GABRA4: variants seen among roughly 807,000 people sequenced by gnomAD.
The protein encoded by GABRA4 is gamma-aminobutyric acid type A receptor subunit alpha4.
Under a neutral mutation model 49.7 loss-of-function variants are expected in GABRA4, and 12 were observed. That is an observed-to-expected ratio of 0.24 (90% CI 0.15 to 0.39). The LOEUF (loss-of-function observed/expected upper bound fraction) is 0.39. GABRA4 is among the 10% of genes least tolerant of loss of function. The pLI is 1.00. For missense variants in GABRA4, 506 were observed against 686.0 expected, an observed-to-expected ratio of 0.74 and a Z score of 2.93; for synonymous variants, 288 against 240.2, an observed-to-expected ratio of 1.20 and a Z score of -1.84.
intron 8 of GABRA4, among the ~76,000 whole-genome samples, chr4:46,949,396 G>A (rs1046718863): frequency 1.3e-5 from 2 of 151,664 alleles, no homozygotes; most frequent in African/African-American, 2.4e-5. Context: ...TCCCTTGTTA[G>A]GGTGATTACC....
At chr4:46,965,290 G>A (rs946164489) in intron 7 of GABRA4, 61 bp from the exon 8 acceptor site, 53 of 1,315,382 alleles carry the variant, frequency 4.0e-5, no homozygotes, top group Admixed American at 1.4e-4. Context: ...AAAAAGCACC[G>A]CCACCACCAA....
At chr4:46,988,461 T>C (rs1268386136) in intron 2 of GABRA4, among the ~76,000 whole-genome samples, 2 of 152,214 alleles carry the variant, frequency 1.3e-5, no homozygotes, top group African/African-American at 4.8e-5. Flanking sequence ...AGAAGTGCTC[T>C]TTTTGTCTAT....
At chr4:46,951,760 ATG>A (rs1560469452) in intron 8 of GABRA4, among the ~76,000 whole-genome samples, 3 of 149,174 alleles carry the variant, frequency 2.0e-5, no homozygotes, top group African/African-American at 7.4e-5. Flanking sequence ...GTGTATATGT[ATG>A]TGTATATATA....
At chr4:46,976,960 C>T in intron 5 of GABRA4, 101 bp downstream of exon 5, 1 of 675,682 alleles carries the variant, frequency 1.5e-6, no homozygotes, top group South Asian at 1.9e-5. Flanking sequence ...TTGTTATGGA[C>T]CATGACTTAA....
intron 2 of GABRA4, among the ~76,000 whole-genome samples, chr4:46,983,122 T>C (rs554945939): frequency 4.6e-5 from 7 of 152,092 alleles, no homozygotes; most frequent in Non-Finnish European, 1.0e-4. Flanking sequence ...AAATAATGTA[T>C]GACAGAGCCA....
chr4:46,969,356 T>A lies in GABRA4; in HGVS notation c.874+1727A>T, dbSNP rs1039396083. Reference sequence around the variant, plus strand: ...TAATGAGGGTAGCTCCAGAAATATTTGTATTTTTTTGTACAAGAAAAAAGT... The same window carrying A: ...TAATGAGGGTAGCTCCAGAAATATTAGTATTTTTTTGTACAAGAAAAAAGT... On this transcript the variant is annotated intron_variant, in intron 7 of 8. Coordinates refer to ENST00000264318, the MANE Select transcript of GABRA4 (RefSeq NM_000809.4). Among the ~76,000 whole-genome samples the A allele has an allele frequency of 5.3e-5, 8 of 151,696 alleles. 2 individuals carry two copies. Among genetic ancestry groups the A allele is most frequent in the Admixed American group, 1.3e-4 (2 of 15,184 alleles).
intron 8 of GABRA4, among the ~76,000 whole-genome samples, chr4:46,953,172 A>G (rs543816974): frequency 1.3e-5 from 2 of 152,154 alleles, no homozygotes; most frequent in Admixed American, 6.6e-5. Flanking sequence ...CATGATATTC[A>G]TAATAATGAG....
At chr4:46,978,984 G>A (rs200478363) in intron 3 of GABRA4, 47 bp downstream of exon 3, 6 of 1,237,558 alleles carry the variant, frequency 4.8e-6, no homozygotes, top group Non-Finnish European at 7.1e-6. Flanking sequence ...TTTTCTACAT[G>A]TTTTCTTCAA....
chr4:46,985,932 A>AAAAG (rs899974557), intron 2 of GABRA4, among the ~76,000 whole-genome samples: 4 of 151,948 alleles, frequency 2.6e-5, no homozygotes, highest in East Asian at 1.9e-4. Flanking sequence ...AGTAGAAGAA[A>AAAAG]AAAGAAAGAA....
chr4:46,983,496 A>G (rs1195201426), intron 2 of GABRA4, among the ~76,000 whole-genome samples: 1 of 152,068 alleles, frequency 6.6e-6, no homozygotes, highest in African/African-American at 2.4e-5. Context: ...GTGATTTAAA[A>G]ACCCATCAAA....
intron 8 of GABRA4, among the ~76,000 whole-genome samples, chr4:46,952,024 G>A (rs1722191259): frequency 6.6e-6 from 1 of 151,982 alleles, no homozygotes; most frequent in Admixed American, 6.6e-5. Flanking sequence ...TTTTTTAAAA[G>A]CTTGTTTTAG....
rs1018538709 is a variant in GABRA4, at chr4:46,928,845, C to A, written c.1135-90G>T. On this transcript the variant is annotated intron_variant, in intron 8 of 8. Coordinates refer to ENST00000264318, the MANE Select transcript of GABRA4 (RefSeq NM_000809.4). ...AGGGATCAAAATTCTTAAAATTAGTCATTTCCATAAAATAAAACTTTATTA... is the reference window on the plus strand; with the variant it reads ...AGGGATCAAAATTCTTAAAATTAGTAATTTCCATAAAATAAAACTTTATTA... The A allele has an allele frequency of 8.0e-5, 66 of 828,636 alleles. No individual in the cohort carries two copies. In the African/African-American group the frequency reaches 1.1e-3, roughly 13 times the overall value. The allele number at this position is 828,636 out of a possible 1,614,324, so 51.3% of individuals were successfully genotyped here.
At chr4:46,980,875 G>A (rs1723333157) in intron 2 of GABRA4, among the ~76,000 whole-genome samples, 1 of 152,044 alleles carries the variant, frequency 6.6e-6, no homozygotes. Context: ...GTATTAAAAA[G>A]CAGAAACACT....
At chr4:46,990,441 T>G (rs2109411527) in intron 2 of GABRA4, among the ~76,000 whole-genome samples, 1 of 152,328 alleles carries the variant, frequency 6.6e-6, no homozygotes, top group South Asian at 2.1e-4. Flanking sequence ...CCCTTCTTCC[T>G]TTTGAATTAC....
At chr4:46,971,326 T>C (rs1722942217) in intron 6 of GABRA4, 91 bp from the exon 7 acceptor site, 1 of 1,178,638 alleles carries the variant, frequency 8.5e-7, no homozygotes, top group Admixed American at 2.1e-5. Context: ...ACAAACAGGA[T>C]TCTAAGGAAA....
intron 6 of GABRA4, among the ~76,000 whole-genome samples, chr4:46,972,580 CCTT>C (rs764695666): frequency 2.9e-4 from 44 of 151,580 alleles, no homozygotes; most frequent in Middle Eastern, 6.8e-3. Flanking sequence ...AAAGTTCCCT[CCTT>C]CTTATTTATT....
chr4:46,965,132 A>G lies in GABRA4; in HGVS notation c.972T>C (p.Ala324=). The change falls in exon 8 of 9, where the codon GCT becomes GCC. Residue 324 remains alanine, a synonymous_variant. Coordinates refer to ENST00000264318, the MANE Select transcript of GABRA4 (RefSeq NM_000809.4). ...CCGAAAATACAAAAGCAAAGCAGAC[A>G]GCTATGAACCAGTCCATGGCGGTAG... is the stretch of plus-strand genomic sequence containing the variant. ...SYATAMDWFI[A]VCFAFVFSAL... 2 of 1,612,208 alleles carry G rather than the reference A, an allele frequency of 1.2e-6. No individual in the cohort carries two copies. Among genetic ancestry groups the G allele is most frequent in the Non-Finnish European group, 1.7e-6 (2 of 1,178,844 alleles).
chr4:46,989,026 T>C (rs1241767685), intron 2 of GABRA4, among the ~76,000 whole-genome samples: 3 of 152,270 alleles, frequency 2.0e-5, no homozygotes, highest in Admixed American at 6.5e-5. Context: ...AGTCCTACTA[T>C]GTTAGTGAAT....
rs1721051760 is a variant in GABRA4, at chr4:46,922,031, T to A, written c.*6194A>T. 1 of 152,104 alleles carries A rather than the reference T, an allele frequency of 6.6e-6. No homozygotes were observed. Among genetic ancestry groups the A allele is most frequent in the African/African-American group, 2.4e-5 (1 of 41,418 alleles). The allele number at this position is 152,104 out of a possible 1,614,324, so 9.4% of individuals were successfully genotyped here. A position where few individuals can be genotyped will look rare whatever the true frequency, so the allele number is the denominator to read the frequency against. On this transcript the variant is annotated 3_prime_UTR_variant, in exon 9 of 9. Transcript: ENST00000264318. ...ACAGGCAAGAAAAAGACAAAATCTG[T>A]CTTCATACGATTTTACTATATACTT... is the stretch of plus-strand genomic sequence containing the variant.
Sources: allele counts gnomAD v4.1 joint callset (sites outside exome capture counted in the v4.1 genomes callset), GRCh38; gene constraint gnomAD v4.1.1; transcripts MANE v1.5; gene names NCBI Gene and HGNC (gene_info 2026-07-23, HGNC 2026-07-21).